Variants in TFB1M observed in about 807,000 individuals in gnomAD.
TFB1M encodes dimethyladenosine transferase 1, mitochondrial.
TFB1M carries 27 observed loss-of-function variants against 31.1 expected under a neutral mutation model. The observed-to-expected ratio is 0.87, with a 90% CI of 0.64 to 1.20. TFB1M has a LOEUF of 1.20. Among genes scored for constraint, TFB1M ranks in the 50% most tolerant of loss-of-function variants. The pLI, the probability that TFB1M is intolerant of heterozygous loss-of-function variation, is 0.00. For synonymous variants in TFB1M, 166 were observed against 151.8 expected, an observed-to-expected ratio of 1.09 and a Z score of -0.69; for missense variants, 394 against 418.7, an observed-to-expected ratio of 0.94 and a Z score of 0.51.
the TFB1M span, chr6:155,248,272 C>A: frequency 7.2e-7 from 1 of 1,395,826 alleles, no homozygotes; most frequent in Non-Finnish European, 9.6e-7. Flanking sequence ...ACCTCTTCCC[C>A]GCCTAGTGGC....
chr6:155,241,245 C>T, the TFB1M span, among the ~76,000 whole-genome samples: 1 of 152,200 alleles, frequency 6.6e-6, no homozygotes, highest in African/African-American at 2.4e-5. Flanking sequence ...CCGAAGAATT[C>T]ATTTATCCAT....
chr6:155,297,503 A>C (rs952740660), intron 3 of TFB1M, among the ~76,000 whole-genome samples: 3 of 152,226 alleles, frequency 2.0e-5, no homozygotes, highest in African/African-American at 7.2e-5. Flanking sequence ...AAAGATGTGA[A>C]TGTCTGCAAT....
At chr6:155,275,771 GT>G in intron 5 of TFB1M, 2 of 1,614,116 alleles carry the variant, frequency 1.2e-6, no homozygotes, top group Non-Finnish European at 1.7e-6. Context: ...CTTATCTGGG[GT>G]CTCTGGAGTG....
chr6:155,242,400 G>A, the TFB1M span, among the ~76,000 whole-genome samples: 2 of 152,184 alleles, frequency 1.3e-5, no homozygotes, highest in African/African-American at 4.8e-5. Context: ...TGACATCTAT[G>A]TGTTCCCTGA....
intron 2 of TFB1M, among the ~76,000 whole-genome samples, chr6:155,304,471 A>ACGC (rs1011553299): frequency 1.1e-4 from 17 of 152,172 alleles, no homozygotes; most frequent in African/African-American, 4.1e-4. Flanking sequence ...TTTAAAAAAC[A>ACGC]GAGAAAATAG....
chr6:155,258,792 A>G (rs1784244486), intron 6 of TFB1M, among the ~76,000 whole-genome samples: 2 of 152,196 alleles, frequency 1.3e-5, no homozygotes, highest in Non-Finnish European at 1.5e-5. Context: ...GGAGATAGAT[A>G]GCATGTTGCT....
rs1171773787 is a variant in TFB1M, at chr6:155,314,310, T to C, written c.119A>G (p.Asp40Gly). ...AAGCCATCCACCTGTCAGCCTCAAG[T>C]CCAGGAGGAAATTCTGTGATAGCTG... ...AKQLSQNFLL[D>G]LRLTDKIVRK... Residue 40 changes from aspartate (D) to glycine (G), a missense_variant, in exon 1 of 7, where the codon GAC becomes GGC. This residue lies in a region of TFB1M where 273 missense variants were observed against 256.4 expected (regional missense o/e 1.06). Coordinates refer to ENST00000367166, the MANE Select transcript of TFB1M (RefSeq NM_016020.4). The C allele has an allele frequency of 1.8e-5, 29 of 1,613,982 alleles. No homozygotes were observed. Among genetic ancestry groups the C allele is most frequent in the Non-Finnish European group, 2.4e-5 (28 of 1,180,000 alleles).
At position 155,257,699 on chromosome 6, in the gene TFB1M, T is replaced by C. The variant is rs763005208; in HGVS notation, c.*137A>G. On this transcript the variant is annotated 3_prime_UTR_variant, in exon 7 of 7. Transcript: ENST00000367166. ...GATATTTATTTTCTCTGCCAAGCTG[T>C]ATAGTAAAAGGAAAATAAGTCACAT... is the stretch of plus-strand genomic sequence containing the variant. 1.3e-5 allele frequency: 13 copies of C among 999,460 alleles called. No homozygotes were observed. The highest frequency in any genetic ancestry group is 2.0e-5 in the Non-Finnish European group (13 of 663,456). 61.9% of individuals were successfully genotyped at this position (999,460 alleles called of 1,614,324 possible). A position where few individuals can be genotyped will look rare whatever the true frequency, so the allele number is the denominator to read the frequency against.
At chr6:155,311,747 A>T (rs1778025213) in intron 1 of TFB1M, among the ~76,000 whole-genome samples, 1 of 152,226 alleles carries the variant, frequency 6.6e-6, no homozygotes, top group African/African-American at 2.4e-5. Context: ...TACTAGTTTC[A>T]CATTCAGAAT....
At chr6:155,240,023 C>T in the TFB1M span, among the ~76,000 whole-genome samples, 6 of 152,252 alleles carry the variant, frequency 3.9e-5, no homozygotes, top group Admixed American at 6.5e-5. Context: ...GAGGGCAGAA[C>T]TCCTGGCCCA....
chr6:155,278,498 G>C (rs1785322340), intron 5 of TFB1M, among the ~76,000 whole-genome samples: 1 of 152,194 alleles, frequency 6.6e-6, no homozygotes, highest in Admixed American at 6.5e-5. Context: ...TGCATTCTCA[G>C]TGACATGTCA....
intron 5 of TFB1M, 22 bp from the exon 6 acceptor site, chr6:155,260,422 T>C: frequency 6.2e-7 from 1 of 1,614,148 alleles, no homozygotes; most frequent in Non-Finnish European, 8.5e-7. Context: ...GCAAACATAT[T>C]ATCATTCTGT....
the TFB1M span, chr6:155,250,608 A>G: frequency 6.5e-7 from 1 of 1,536,056 alleles, no homozygotes; most frequent in South Asian, 1.2e-5. Flanking sequence ...GGCACTCTGG[A>G]AGAACCACGG....
rs145411858 is a variant in TFB1M at position 155,257,019 on chromosome 6, C to A, written c.*817G>T. ...ACAGTCAGTCTGAAAATGCCACCAT[C>A]GACCTAAATTCTGTTCTAGAGCGAG... On this transcript the variant is annotated 3_prime_UTR_variant, in exon 7 of 7. Coordinates refer to ENST00000367166, the MANE Select transcript of TFB1M (RefSeq NM_016020.4). 9.3e-6 allele frequency: 15 copies of A among 1,614,032 alleles called. No individual in the cohort carries two copies. The highest frequency in any genetic ancestry group is 1.3e-5 in the Non-Finnish European group (15 of 1,180,022).
At chr6:155,241,657 T>A in the TFB1M span, among the ~76,000 whole-genome samples, 1 of 152,166 alleles carries the variant, frequency 6.6e-6, no homozygotes, top group Non-Finnish European at 1.5e-5. Flanking sequence ...AAGGCCCTAT[T>A]CACAGGTAGC....
chr6:155,297,534 C>T (rs565767393), intron 3 of TFB1M, among the ~76,000 whole-genome samples: 172 of 152,152 alleles, frequency 1.1e-3, no homozygotes, highest in Non-Finnish European at 2.1e-3. Flanking sequence ...TAAGTGAAAC[C>T]ATAGGAATGG....
At chr6:155,283,022 C>T (rs922166196) in intron 5 of TFB1M, among the ~76,000 whole-genome samples, 7 of 152,260 alleles carry the variant, frequency 4.6e-5, no homozygotes, top group Admixed American at 1.3e-4. Context: ...TCACTGTGCC[C>T]GGCCCAAGAA....
chr6:155,250,893 C>T, the TFB1M span: 4 of 1,609,334 alleles, frequency 2.5e-6, no homozygotes, highest in Non-Finnish European at 3.4e-6. Flanking sequence ...TCTTCCTTAC[C>T]TCCTGTTTTT....
rs200044619 is a variant in TFB1M at position 155,276,437 on chromosome 6, T to TA, written c.666+8720dup. The TA allele has an allele frequency of 1.9e-3, 2,769 of 1,425,952 alleles. 37 individuals carry two copies. The African/African-American group carries it at 0.028, about 15-fold the overall frequency. The allele number at this position is 1,425,952 out of a possible 1,614,324, so 88.3% of individuals were successfully genotyped here. On this transcript the variant is annotated intron_variant, in intron 5 of 6. Coordinates refer to ENST00000367166, the MANE Select transcript of TFB1M (RefSeq NM_016020.4). ...TGGGTGCCAAATGGGACTTTTAGAT[T>TA]AAAAAAAAATCAGAATTATGCTTAA...
Sources: gnomAD v4.1 joint callset for allele counts (sites outside exome capture counted in the v4.1 genomes callset) on GRCh38, gnomAD v4.1.1 for gene constraint, gnomAD v4.1.1 regional missense constraint, MANE v1.5 for transcripts, NCBI Gene and HGNC (gene_info 2026-07-23, HGNC 2026-07-21) for gene names.